Variants in PLCE1 observed in about 807,000 individuals in gnomAD.
The protein encoded by PLCE1 is phospholipase C epsilon 1, also known as 1-phosphatidylinositol 4,5-bisphosphate phosphodiesterase epsilon-1.
Under a neutral mutation model 242.8 loss-of-function variants are expected in PLCE1, and 119 were observed. The observed-to-expected ratio is 0.49, with a 90% CI of 0.42 to 0.57. PLCE1 has a LOEUF of 0.57. Ranked by LOEUF, PLCE1 falls within the 20% of genes least tolerant of loss-of-function variation. PLCE1 has a pLI of 0.00. For missense variants in PLCE1, 2,441 were observed against 2,788.8 expected (o/e 0.88, Z 2.81); for synonymous variants, 945 against 1,017.4 (o/e 0.93, Z 1.35).
intron 4 of PLCE1, among the ~76,000 whole-genome samples, chr10:94,181,819 G>A (rs1487430816): frequency 2.4e-5 from 3 of 125,540 alleles, no homozygotes; most frequent in African/African-American, 1.3e-4. Flanking sequence ...TGGGGAGGCT[G>A]AGGTGGGAGG....
intron 4 of PLCE1, among the ~76,000 whole-genome samples, chr10:94,175,871 A>G (rs916847762): frequency 5.9e-5 from 9 of 152,044 alleles, no homozygotes; most frequent in Admixed American, 1.3e-4. Context: ...ATGACCTTCA[A>G]TTCAATTCAT....
intron 27 of PLCE1, 103 bp from the exon 28 acceptor site, chr10:94,313,151 C>A: frequency 7.3e-7 from 1 of 1,365,586 alleles, no homozygotes; most frequent in Non-Finnish European, 1.0e-6. Context: ...TTTGCATTTA[C>A]ATGTTCCTAT....
intron 2 of PLCE1, among the ~76,000 whole-genome samples, chr10:94,122,688 C>A (rs1273498110): frequency 6.6e-6 from 1 of 152,102 alleles, no homozygotes; most frequent in Non-Finnish European, 1.5e-5. Context: ...ATGATAGGGA[C>A]GTAAGTGCTT....
intron 1 of PLCE1, among the ~76,000 whole-genome samples, chr10:94,012,729 C>A (rs1312938227): frequency 6.6e-6 from 1 of 152,148 alleles, no homozygotes; most frequent in East Asian, 1.9e-4. Context: ...TGCACCCCAA[C>A]CTTTTCACAA....
chr10:94,089,176 G>C, intron 2 of PLCE1: 1 of 1,614,026 alleles, frequency 6.2e-7, no homozygotes, highest in Non-Finnish European at 8.5e-7. Context: ...ATTCTGCAAA[G>C]GGATTAAGAT....
chr10:94,002,758 T>C (rs1340337036), intron 1 of PLCE1, among the ~76,000 whole-genome samples: 3 of 152,202 alleles, frequency 2.0e-5, no homozygotes, highest in Non-Finnish European at 1.5e-5. Context: ...GGATTTGTCC[T>C]AAGCTACCTA....
chr10:94,256,907 CAG>C (rs2051121519), intron 11 of PLCE1, among the ~76,000 whole-genome samples: 1 of 152,158 alleles, frequency 6.6e-6, no homozygotes, highest in Non-Finnish European at 1.5e-5. Context: ...AGTGGACAAA[CAG>C]AGTTTCCTAG....
Position 94,171,185 on chromosome 10 carries a change from C to T in PLCE1, c.1498C>T (p.Gln500Ter), listed in dbSNP as rs1331936652. Reference protein sequence around the residue: ...STGRMMLKERQPGPSVANSNA... With the variant: ...STGRMMLKER ...CTTCTGTTGCTTTGTTTTAGAACGC[C>T]AGCCAGGCCCCTCTGTGGCCAATTC... is the stretch of plus-strand genomic sequence containing the variant. Residue 500 changes from glutamine to a stop codon, truncating the protein, a stop_gained, in exon 4 of 33, where the codon CAG becomes TAG. Coordinates refer to ENST00000371380, the MANE Select transcript of PLCE1 (RefSeq NM_016341.4). LOFTEE classifies it high-confidence loss of function. 1 of 1,613,942 alleles carries T rather than the reference C, an allele frequency of 6.2e-7. No individual in the cohort carries two copies. Among genetic ancestry groups the T allele is most frequent in the Non-Finnish European group, 8.5e-7 (1 of 1,179,956 alleles).
rs80101467 is a variant in PLCE1 at position 94,309,536 on chromosome 10, G to A, written c.6003+837G>A. Among the ~76,000 whole-genome samples, 1,105 of 152,120 alleles carry A rather than the reference G, an allele frequency of 7.3e-3. 20 individuals are homozygous for A. The highest frequency in any genetic ancestry group is 0.026 in the African/African-American group (1,062 of 41,540). On this transcript the variant is annotated intron_variant, in intron 27 of 32. Coordinates refer to ENST00000371380, the MANE Select transcript of PLCE1 (RefSeq NM_016341.4). ...AGATGGGGTCTCACTATATTGCCCAGGTTGGTTTTAAACTCCTGGACTCAA... is the reference window on the plus strand; with the variant it reads ...AGATGGGGTCTCACTATATTGCCCAAGTTGGTTTTAAACTCCTGGACTCAA...
intron 4 of PLCE1, among the ~76,000 whole-genome samples, chr10:94,220,493 A>G (rs1329137345): frequency 6.8e-6 from 1 of 147,128 alleles, no homozygotes; most frequent in African/African-American, 2.5e-5. Context: ...GAGAAGAGGT[A>G]ACATTTGAGT....
intron 3 of PLCE1, among the ~76,000 whole-genome samples, chr10:94,169,620 G>T (rs6583929): frequency 2.6e-4 from 40 of 152,268 alleles, no homozygotes; most frequent in African/African-American, 8.7e-4. Context: ...AGCAAACGCA[G>T]GTTTGGGAAT....
intron 1 of PLCE1, among the ~76,000 whole-genome samples, chr10:94,021,907 A>C (rs982132651): frequency 6.6e-6 from 1 of 152,112 alleles, no homozygotes; most frequent in African/African-American, 2.4e-5. Flanking sequence ...TAAAATCTTC[A>C]GTTTAGTAAA....
At chr10:94,233,919 G>GC (rs2050230033) in intron 5 of PLCE1, 135 bp from the exon 6 acceptor site, 1 of 775,910 alleles carries the variant, frequency 1.3e-6, no homozygotes. Flanking sequence ...CTGCACTCCA[G>GC]CCTGGGCAAC....
intron 2 of PLCE1, among the ~76,000 whole-genome samples, chr10:94,106,767 C>T (rs1400396018): frequency 1.3e-5 from 2 of 152,040 alleles, no homozygotes; most frequent in Admixed American, 6.6e-5. Flanking sequence ...CCGTTCCAGT[C>T]CTCTCCTCTC....
At chr10:94,224,938 C>G (rs1228723056) in intron 4 of PLCE1, among the ~76,000 whole-genome samples, 1 of 152,118 alleles carries the variant, frequency 6.6e-6, no homozygotes, top group Admixed American at 6.5e-5. Context: ...CAGGGTTTGT[C>G]CCAAGGGTCT....
intron 4 of PLCE1, among the ~76,000 whole-genome samples, chr10:94,171,810 C>T (rs556790377): frequency 5.1e-4 from 78 of 152,232 alleles, no homozygotes; most frequent in African/African-American, 1.9e-3. Flanking sequence ...CTACCAACCC[C>T]TCATTCCCAA....
chr10:94,166,057 G>A (rs568143669), intron 3 of PLCE1, among the ~76,000 whole-genome samples: 3 of 152,258 alleles, frequency 2.0e-5, no homozygotes, highest in African/African-American at 7.2e-5. Context: ...CAAAAAAGTT[G>A]AGCAAAACAG....
chr10:94,267,032 C>T (rs2051546069), intron 16 of PLCE1, among the ~76,000 whole-genome samples: 1 of 152,152 alleles, frequency 6.6e-6, no homozygotes, highest in African/African-American at 2.4e-5. Context: ...CCTCTACACA[C>T]TACATACTGG....
chr10:94,020,327 G>T (rs2061354399), intron 1 of PLCE1, among the ~76,000 whole-genome samples: 1 of 152,000 alleles, frequency 6.6e-6, no homozygotes, highest in Admixed American at 6.6e-5. Context: ...TCAAACCTTT[G>T]CCCATTTTTA....
Sources: gnomAD v4.1 joint callset for allele counts (sites outside exome capture counted in the v4.1 genomes callset) on GRCh38, gnomAD v4.1.1 for gene constraint, MANE v1.5 for transcripts, NCBI Gene and HGNC (gene_info 2026-07-23, HGNC 2026-07-21) for gene names.